Variants in HORMAD2 observed in about 807,000 individuals in gnomAD.
HORMAD2 encodes the protein HORMA domain-containing protein 2.
HORMAD2 carries 45 observed loss-of-function variants against 38.8 expected under a neutral mutation model. That is an observed-to-expected ratio of 1.16 (90% CI 0.91 to 1.49). The LOEUF is 1.49. HORMAD2 is among the 40% of genes most tolerant of loss of function. The pLI is 0.00. For missense variants in HORMAD2, 338 were observed against 367.0 expected, an observed-to-expected ratio of 0.92 and a Z score of 0.65; for synonymous variants, 126 against 122.8, an observed-to-expected ratio of 1.03 and a Z score of -0.17.
intron 1 of HORMAD2, among the ~76,000 whole-genome samples, chr22:30,090,408 AT>A (rs1264392365): frequency 6.6e-6 from 1 of 152,198 alleles, no homozygotes. Flanking sequence ...GTAATATTCC[AT>A]TGTAAATACC....
In HORMAD2 at chr22:30,153,902, A is replaced by G. The variant is rs113557717; in HGVS notation, c.820-22161A>G. Among the ~76,000 whole-genome samples, 761 of 152,274 alleles carry G rather than the reference A, an allele frequency of 5.0e-3. 4 individuals are homozygous for G. The highest frequency in any genetic ancestry group is 8.0e-3 in the Non-Finnish European group (545 of 68,022). ...AAATCTGGCCACTTCTCACTATCTC[A>G]CTGCTACCACTCTGGCCCAAGCAAA... On this transcript the variant is annotated intron_variant, in intron 10 of 10. Transcript: ENST00000336726.
At chr22:30,173,666 T>A (rs1926256929) in intron 10 of HORMAD2, among the ~76,000 whole-genome samples, 1 of 152,204 alleles carries the variant, frequency 6.6e-6, no homozygotes, top group Non-Finnish European at 1.5e-5. Context: ...CACACATGGA[T>A]CTGAAGTTCA....
chr22:30,167,566 G>A (rs1205260309), intron 10 of HORMAD2, among the ~76,000 whole-genome samples: 5 of 152,190 alleles, frequency 3.3e-5, no homozygotes, highest in African/African-American at 9.7e-5. Context: ...GGCATTAGGA[G>A]ACGAGGGATG....
downstream of HORMAD2, among the ~76,000 whole-genome samples, chr22:30,181,933 G>A (rs532785866): frequency 8.5e-5 from 13 of 152,304 alleles, no homozygotes; most frequent in Non-Finnish European, 1.5e-4. Context: ...ATGTCCATTC[G>A]GATAAGAATT....
At chr22:30,125,884 G>A (rs1922825617) in intron 10 of HORMAD2, among the ~76,000 whole-genome samples, 1 of 152,184 alleles carries the variant, frequency 6.6e-6, no homozygotes, top group Non-Finnish European at 1.5e-5. Context: ...CAAGCAAGGT[G>A]CCTAGGGAGC....
chr22:30,185,035 T>C, the HORMAD2 span, among the ~76,000 whole-genome samples: 1 of 152,228 alleles, frequency 6.6e-6, no homozygotes, highest in Non-Finnish European at 1.5e-5. Context: ...AAAATGTGGA[T>C]AGTGAACCTG....
downstream of HORMAD2, among the ~76,000 whole-genome samples, chr22:30,179,616 C>A (rs779546081): frequency 5.9e-5 from 9 of 152,202 alleles, no homozygotes; most frequent in Non-Finnish European, 1.0e-4. Context: ...TGCACAATAT[C>A]TCTGCAATTA....
rs1922251496 is a variant in HORMAD2, at chr22:30,119,021, A to C, written c.384A>C (p.Lys128Asn). The change falls in exon 8 of 11, where the codon AAA becomes AAC. Residue 128 changes from lysine to asparagine, a missense_variant. Lys to Asn is a moderately conservative substitution (Grantham distance 94). Coordinates refer to ENST00000336726, the MANE Select transcript of HORMAD2 (RefSeq NM_152510.4). ...EMYQFKFKYT[K>N]EGATMDFDSH... The stretch of plus-strand genomic sequence containing the variant: ...ACCAGTTCAAATTCAAATACACGAA[A>C]GAAGGAGCCACTATGGATTTTGACA... The C allele has an allele frequency of 4.4e-6, 7 of 1,590,166 alleles. No homozygotes were observed. The East Asian group carries it at 1.6e-4, about 36-fold the overall frequency.
chr22:30,176,136 C>T lies in HORMAD2; in HGVS notation c.893C>T (p.Pro298Leu). ...CSRKKRKVSE[P>L]VKVFIPNRK ...AGGAAGAAGAGGAAGGTCAGTGAAC[C>T]AGTGAAGGTCTTCATCCCTAACAGA... The change falls in exon 11 of 11, where the codon CCA (proline) becomes CTA (leucine). Residue 298 changes from proline (P) to leucine (L), a missense_variant. Coordinates refer to ENST00000336726, the MANE Select transcript of HORMAD2 (RefSeq NM_152510.4). The T allele has an allele frequency of 1.2e-6, 2 of 1,611,404 alleles. No homozygotes were observed. The highest frequency in any genetic ancestry group is 1.3e-5 in the African/African-American group (1 of 74,972).
the HORMAD2 span, among the ~76,000 whole-genome samples, chr22:30,185,195 C>G: frequency 1.3e-5 from 2 of 152,172 alleles, no homozygotes; most frequent in Non-Finnish European, 2.9e-5. Context: ...GGGACCAGCC[C>G]ATTCATCATC....
rs117291554 is a variant in HORMAD2, at chr22:30,176,013, A to T, written c.820-50A>T. Reference sequence around the variant, plus strand: ...TACCTGTCTTATATATGTCTTGTGCAGATGTCAAAATCTCTGCTGAATTGT... The same window carrying T: ...TACCTGTCTTATATATGTCTTGTGCTGATGTCAAAATCTCTGCTGAATTGT... On this transcript the variant is annotated intron_variant, in intron 10 of 10. Coordinates refer to ENST00000336726, the MANE Select transcript of HORMAD2 (RefSeq NM_152510.4). The T allele has an allele frequency of 1.2e-3, 1,365 of 1,169,466 alleles. 18 individuals carry two copies. In the East Asian group the frequency reaches 0.027, roughly 23 times the overall value. The allele number at this position is 1,169,466 out of a possible 1,614,324, so 72.4% of individuals were successfully genotyped here.
chr22:30,156,289 A>G (rs1027501842), intron 10 of HORMAD2, among the ~76,000 whole-genome samples: 5 of 152,296 alleles, frequency 3.3e-5, no homozygotes, highest in African/African-American at 9.6e-5. Flanking sequence ...AGCTTTCACT[A>G]TGAGTTGAGA....
intron 10 of HORMAD2, among the ~76,000 whole-genome samples, chr22:30,151,380 A>G (rs983742060): frequency 6.6e-5 from 10 of 152,218 alleles, no homozygotes; most frequent in Non-Finnish European, 1.0e-4. Context: ...AAATATGTCA[A>G]GAGTTAGTTT....
At chr22:30,192,608 C>T in the HORMAD2 span, among the ~76,000 whole-genome samples, 1 of 152,264 alleles carries the variant, frequency 6.6e-6, no homozygotes, top group Admixed American at 6.5e-5. Context: ...TAGTCACTTC[C>T]TGTTTTTTAT....
chr22:30,162,773 G>A, intron 10 of HORMAD2, among the ~76,000 whole-genome samples: 1 of 149,810 alleles, frequency 6.7e-6, no homozygotes, highest in Non-Finnish European at 1.5e-5. Flanking sequence ...CGCAATCTCG[G>A]CTCACTGCAA....
the HORMAD2 span, among the ~76,000 whole-genome samples, chr22:30,191,924 TA>T: frequency 3.7e-3 from 551 of 150,318 alleles, 4 homozygotes; most frequent in African/African-American, 9.8e-3. Context: ...TCCCATCATG[TA>T]AAAAAAAAAT....
intron 10 of HORMAD2, among the ~76,000 whole-genome samples, chr22:30,165,785 T>G (rs1299981620): frequency 6.6e-6 from 1 of 152,068 alleles, no homozygotes; most frequent in Non-Finnish European, 1.5e-5. Context: ...ACCTTTTTCA[T>G]AAACCATAGC....
intron 10 of HORMAD2, 132 bp downstream of exon 10, chr22:30,122,346 G>A (rs1601542435): frequency 2.7e-6 from 2 of 752,104 alleles, no homozygotes; most frequent in Non-Finnish European, 3.9e-6. Flanking sequence ...CTGACATCAA[G>A]GAGTTTTTAA....
At chr22:30,136,364 A>G (rs1048690765) in intron 10 of HORMAD2, among the ~76,000 whole-genome samples, 5 of 152,184 alleles carry the variant, frequency 3.3e-5, no homozygotes, top group African/African-American at 1.2e-4. Flanking sequence ...GTTTTTAGTT[A>G]TAGTCACAGA....
Sources: allele counts gnomAD v4.1 joint callset (sites outside exome capture counted in the v4.1 genomes callset), GRCh38; gene constraint gnomAD v4.1.1; transcripts MANE v1.5; gene names NCBI Gene and HGNC (gene_info 2026-07-23, HGNC 2026-07-21).